Variants in COL4A4 observed in about 807,000 individuals in gnomAD.
COL4A4 encodes the protein collagen alpha-4(IV) chain.
Under a neutral mutation model 192.9 loss-of-function variants are expected in COL4A4, and 105 were observed. The observed-to-expected ratio is 0.54, with a 90% CI of 0.46 to 0.64. COL4A4 has a LOEUF of 0.64. COL4A4 is among the 30% of genes least tolerant of loss of function. The pLI, the probability that COL4A4 is intolerant of heterozygous loss-of-function variation, is 0.00. For synonymous variants in COL4A4, 762 were observed against 769.9 expected (o/e 0.99, Z 0.17); for missense variants, 1,967 against 2,169.3 (o/e 0.91, Z 1.85).
At chr2:227,132,405 T>A (rs949578025) in intron 4 of COL4A4, among the ~76,000 whole-genome samples, 6 of 152,190 alleles carry the variant, frequency 3.9e-5, no homozygotes, top group Non-Finnish European at 5.9e-5. Flanking sequence ...GCCTGGCATG[T>A]GGCAAGTGCT....
At chr2:226,979,100 C>A in the COL4A4 span, among the ~76,000 whole-genome samples, 1 of 152,090 alleles carries the variant, frequency 6.6e-6, no homozygotes, top group African/African-American at 2.4e-5. Flanking sequence ...TGGCTCATTC[C>A]CAGTCCAAAA....
At chr2:227,092,067 A>C (rs185743489) in intron 20 of COL4A4, among the ~76,000 whole-genome samples, 2 of 150,046 alleles carry the variant, frequency 1.3e-5, no homozygotes, top group East Asian at 3.9e-4. Context: ...AAAAACAAAC[A>C]AAAAAAAAGA....
chr2:227,162,415 T>G (rs1407238492), intron 1 of COL4A4, among the ~76,000 whole-genome samples: 1 of 152,198 alleles, frequency 6.6e-6, no homozygotes, highest in Non-Finnish European at 1.5e-5. Context: ...TTAAATACTG[T>G]CAGTTTGTGA....
intron 28 of COL4A4, 42 bp downstream of exon 28, chr2:227,059,363 G>C: frequency 6.5e-7 from 1 of 1,539,160 alleles, no homozygotes; most frequent in Non-Finnish European, 9.0e-7. Flanking sequence ...TTCCAAAACT[G>C]AGCCAGCTCT....
At chr2:227,066,369 C>A (rs1214846342) in intron 25 of COL4A4, among the ~76,000 whole-genome samples, 4 of 151,570 alleles carry the variant, frequency 2.6e-5, no homozygotes, top group Non-Finnish European at 5.9e-5. Context: ...CAGAGAACGC[C>A]ACAAAGATAC....
chr2:227,022,620 G>T, intron 43 of COL4A4: 1 of 510,546 alleles, frequency 2.0e-6, no homozygotes, highest in Non-Finnish European at 4.1e-6. Context: ...CTGCAGCCAC[G>T]TGGGTTTCCA....
At chr2:227,156,413 G>A (rs1485404038) in intron 1 of COL4A4, among the ~76,000 whole-genome samples, 4 of 141,810 alleles carry the variant, frequency 2.8e-5, no homozygotes, top group East Asian at 4.1e-4. Context: ...AAAAAAAAGT[G>A]AAAACCAGGG....
chr2:227,041,838 A>AAGAAAGAAAGAAAGAAAGAAAG (rs1971244001), intron 37 of COL4A4, among the ~76,000 whole-genome samples: 2 of 41,572 alleles, frequency 4.8e-5, no homozygotes, highest in African/African-American at 1.2e-4. Context: ...GAAAGAAAGA[A>AAGAAAGAAAGAAAGAAAGAAAG]AGAAAGAAAG....
At chr2:227,019,573 T>C (rs1254539799) in intron 44 of COL4A4, among the ~76,000 whole-genome samples, 1 of 152,226 alleles carries the variant, frequency 6.6e-6, no homozygotes, top group African/African-American at 2.4e-5. Context: ...AAATACCAGC[T>C]CTTACTGGGG....
At chr2:227,011,164 G>C (rs138024771) in intron 45 of COL4A4, among the ~76,000 whole-genome samples, 10 of 152,336 alleles carry the variant, frequency 6.6e-5, no homozygotes, top group Admixed American at 3.3e-4. Flanking sequence ...CTAAGGGGCT[G>C]AACTATTGCA....
At chr2:226,998,668 TCAATACTTAA>T (rs146932158), downstream of COL4A4, 254 of 152,254 alleles carry the variant, frequency 1.7e-3, no homozygotes, top group African/African-American at 6.0e-3. Context: ...TTTGCTCTGT[TCAATACTTAA>T]CAATACCTCC....
intron 26 of COL4A4, among the ~76,000 whole-genome samples, chr2:227,061,285 C>G (rs188661225): frequency 1.3e-5 from 2 of 152,324 alleles, no homozygotes; most frequent in Non-Finnish European, 2.9e-5. Context: ...CGCACTCTTG[C>G]CATTGCCTTG....
rs568704749 is a variant in COL4A4 at position 227,007,055 on chromosome 2, A to T, written c.*270T>A. ...TCTACTTGCCTTTCTGAGAATTAGC[A>T]TATTTTTAAGTAAAGCCAGTTCTTC... On this transcript the variant is annotated 3_prime_UTR_variant, in exon 48 of 48. Coordinates refer to ENST00000396625, the MANE Select transcript of COL4A4 (RefSeq NM_000092.5). The T allele has an allele frequency of 1.9e-6, 1 of 520,686 alleles. No homozygotes were observed. The highest frequency in any genetic ancestry group is 3.5e-5 in the East Asian group (1 of 28,520). The allele number at this position is 520,686 out of a possible 1,614,324, so 32.3% of individuals were successfully genotyped here.
At chr2:227,041,789 A>AAGG in intron 37 of COL4A4, among the ~76,000 whole-genome samples, 1 of 41,872 alleles carries the variant, frequency 2.4e-5, no homozygotes, top group Non-Finnish European at 4.1e-5. Flanking sequence ...GAAGGAAGGG[A>AAGG]AAGAAAGAAA....
At chr2:227,082,899 G>C (rs149045023) in intron 22 of COL4A4, among the ~76,000 whole-genome samples, 52 of 152,270 alleles carry the variant, frequency 3.4e-4, no homozygotes, top group Middle Eastern at 3.4e-3. Flanking sequence ...TACTTTTTAA[G>C]TGTTACATAT....
intron 42 of COL4A4, 24 bp from the exon 43 acceptor site, chr2:227,025,834 A>T: frequency 6.2e-7 from 1 of 1,611,110 alleles, no homozygotes; most frequent in East Asian, 2.2e-5. Flanking sequence ...AAGACAACAA[A>T]CGAGGCCAGT....
intron 2 of COL4A4, 108 bp from the exon 3 acceptor site, chr2:227,144,666 G>A (rs1270200335): frequency 7.9e-6 from 7 of 890,718 alleles, no homozygotes; most frequent in African/African-American, 1.7e-5. Context: ...TTATTTCTAT[G>A]AGGCTGCTCC....
the COL4A4 span, among the ~76,000 whole-genome samples, chr2:226,972,260 A>G: frequency 6.6e-6 from 1 of 152,252 alleles, no homozygotes; most frequent in African/African-American, 2.4e-5. Flanking sequence ...ACATGATCTC[A>G]TTCTTTTGTA....
At chr2:227,033,038 G>GT (rs1370902683) in intron 38 of COL4A4, among the ~76,000 whole-genome samples, 1 of 152,200 alleles carries the variant, frequency 6.6e-6, no homozygotes, top group Non-Finnish European at 1.5e-5. Flanking sequence ...TTTGACCCAT[G>GT]TGGTCAAACA....
Sources: allele counts gnomAD v4.1 joint callset (sites outside exome capture counted in the v4.1 genomes callset), GRCh38; gene constraint gnomAD v4.1.1; transcripts MANE v1.5; gene names NCBI Gene and HGNC (gene_info 2026-07-23, HGNC 2026-07-21).